WNK1: variants seen among roughly 807,000 people sequenced by gnomAD.
WNK1 encodes WNK lysine deficient protein kinase 1.
In WNK1, 38 loss-of-function variants were observed where a neutral mutation model predicts 222.8. The ratio of observed to expected loss-of-function variants is 0.17; its 90% CI spans 0.13 to 0.22. The LOEUF is 0.22. Ranked by LOEUF, WNK1 falls within the 10% of genes least tolerant of loss-of-function variation. The pLI is 1.00. For missense variants in WNK1, 2,348 were observed against 2,918.4 expected (o/e 0.80, Z 4.50); for synonymous variants, 1,090 against 1,092.9 (o/e 1.00, Z 0.05).
At chr12:824,770 CA>C (rs1375706124) in intron 2 of WNK1, among the ~76,000 whole-genome samples, 1 of 151,732 alleles carries the variant, frequency 6.6e-6, no homozygotes, top group African/African-American at 2.4e-5. Flanking sequence ...ATAAAATTTC[CA>C]ATATTTTATT....
In WNK1 at chr12:874,238, G is replaced by A. The variant is rs150921348; in HGVS notation, c.2223+2890G>A. On this transcript the variant is annotated intron_variant, in intron 9 of 27. Transcript: ENST00000315939. ...TGAACTGGTTTCATGAGGCAAGCTT[G>A]GGCAGAGCATGATGCTAAACTGTTA... 4.6e-5 allele frequency among the ~76,000 whole-genome samples: 7 copies of A among 152,164 alleles called. No homozygotes were observed. The East Asian group carries it at 7.7e-4, about 17-fold the overall frequency.
intron 4 of WNK1, among the ~76,000 whole-genome samples, chr12:846,347 T>C (rs72648635): frequency 1.1e-4 from 16 of 152,208 alleles, no homozygotes; most frequent in African/African-American, 3.4e-4. Context: ...AGCACCACTT[T>C]GGTGTGCTTT....
Position 818,916 on chromosome 12 carries a change from G to A in WNK1, c.932+5102G>A, listed in dbSNP as rs549623174. Among the ~76,000 whole-genome samples, 3 of 152,290 alleles carry A rather than the reference G, an allele frequency of 2.0e-5. No homozygotes were observed. The South Asian group carries it at 6.2e-4, about 32-fold the overall frequency. On this transcript the variant is annotated intron_variant, in intron 2 of 27. Transcript: ENST00000315939. ...CCACCTTTTGGCTATTATGAGTACT[G>A]CTGCTATGAATATTTGTGCAGAAGT...
At chr12:861,417 C>T in intron 7 of WNK1, 74 bp downstream of exon 7, 1 of 1,442,372 alleles carries the variant, frequency 6.9e-7, no homozygotes, top group African/African-American at 1.4e-5. Flanking sequence ...TGTTATTTTG[C>T]ACTGGCTTTT....
At chr12:899,408 A>G (rs1383104166) in intron 25 of WNK1, among the ~76,000 whole-genome samples, 3 of 152,090 alleles carry the variant, frequency 2.0e-5, no homozygotes, top group African/African-American at 4.8e-5. Context: ...AGCTGGGATT[A>G]CAAGCATGTA....
chr12:771,972 T>G (rs1460409581), intron 1 of WNK1, among the ~76,000 whole-genome samples: 1 of 152,132 alleles, frequency 6.6e-6, no homozygotes, highest in Non-Finnish European at 1.5e-5. Context: ...AGCTTACTTT[T>G]TTTTTTTGCA....
intron 4 of WNK1, among the ~76,000 whole-genome samples, chr12:832,769 C>G (rs1345757359): frequency 6.6e-6 from 1 of 152,188 alleles, no homozygotes; most frequent in Non-Finnish European, 1.5e-5. Flanking sequence ...AATACTCACC[C>G]AGATTCTAAT....
At chr12:809,652 C>G (rs1407354177) in intron 1 of WNK1, among the ~76,000 whole-genome samples, 1 of 152,148 alleles carries the variant, frequency 6.6e-6, no homozygotes, top group Non-Finnish European at 1.5e-5. Flanking sequence ...CTTTCCCAGG[C>G]CTTCAATCTC....
chr12:761,104 A>G (rs890420399), intron 1 of WNK1, among the ~76,000 whole-genome samples: 1 of 147,154 alleles, frequency 6.8e-6, no homozygotes. Flanking sequence ...TTTTTAAAAG[A>G]TTGGTTATTT....
rs1206246067 is a variant in WNK1, at chr12:885,249, G to A, written c.4445G>A (p.Ser1482Asn). The A allele has an allele frequency of 2.5e-6, 4 of 1,614,024 alleles. No homozygotes were observed. The East Asian group carries it at 6.7e-5, about 27-fold the overall frequency. ...GTAGTATCTCAGCAGGCAGCAGGCA[G>A]CACTACTGTGGGAGCCACATTAACA... ...PAVVSQQAAG[S>N]TTVGATLTSV... is the part of the protein sequence containing the mutation. The change falls in exon 19 of 28, where the codon AGC (serine) becomes AAC (asparagine). Residue 1482 changes from serine to asparagine, a missense_variant. Physicochemically the swap from Ser to Asn is conservative, Grantham distance 46 (BLOSUM62 1). Transcript: ENST00000315939.
chr12:782,860 G>T (rs1943861092), intron 1 of WNK1, among the ~76,000 whole-genome samples: 1 of 151,490 alleles, frequency 6.6e-6, no homozygotes, highest in Non-Finnish European at 1.5e-5. Context: ...TTAATTTCAT[G>T]AATATGTTTC....
intron 1 of WNK1, among the ~76,000 whole-genome samples, chr12:785,444 GA>G (rs1476921104): frequency 2.7e-5 from 3 of 110,672 alleles, no homozygotes; most frequent in South Asian, 3.1e-4. Context: ...CTGTCACCCA[GA>G]GCTGGAGTGC....
At chr12:862,316 G>T in intron 8 of WNK1, 46 bp downstream of exon 8, 1 of 1,591,898 alleles carries the variant, frequency 6.3e-7, no homozygotes, top group Non-Finnish European at 8.6e-7. Flanking sequence ...GAGAGCCAAT[G>T]GATAGTCTGC....
rs1303599227 is a variant in WNK1, at chr12:911,183, TTG to T, written c.*2395_*2396del. The T allele has an allele frequency of 1.5e-5, 6 of 397,636 alleles. No individual in the cohort carries two copies. The highest frequency in any genetic ancestry group is 6.2e-5 in the African/African-American group (3 of 48,634). The allele number at this position is 397,636 out of a possible 1,614,324, so 24.6% of individuals were successfully genotyped here. On this transcript the variant is annotated 3_prime_UTR_variant, in exon 28 of 28. Coordinates refer to ENST00000315939, the MANE Select transcript of WNK1 (RefSeq NM_018979.4). ...TGCTACTGAACTGTTTAAATTATTT[TTG>T]TGTTAATAGTACACTTTGAGTATCT...
chr12:902,196 G>A (rs1955322761), intron 26 of WNK1, among the ~76,000 whole-genome samples: 1 of 151,896 alleles, frequency 6.6e-6, no homozygotes, highest in Non-Finnish European at 1.5e-5. Context: ...CTGCCCAGGA[G>A]GCTGAGGCGG....
chr12:865,209 A>G (rs2154069176), intron 8 of WNK1: 1 of 1,535,858 alleles, frequency 6.5e-7, no homozygotes, highest in Non-Finnish European at 8.7e-7. Context: ...CACCGCCAGT[A>G]CTGTCTGCAC....
rs991955084 is a variant in WNK1, at chr12:908,712, G to A, written c.7069G>A (p.Ala2357Thr). Residue 2357 changes from alanine to threonine, a missense_variant, in exon 28 of 28, where the codon GCC (alanine) becomes ACC (threonine). Around this residue, in one of 13 missense-constraint regions of WNK1, gnomAD observed 76 missense variants for 85.7 expected, o/e 0.89. Transcript: ENST00000315939. The part of the protein sequence containing the change: ...PLGQFQPVGT[A>T]SLQNFNISNL... ...TGGCCAGTTCCAACCTGTGGGAACT[G>A]CCTCCTTGCAGAATTTCAACATCAG... The A allele has an allele frequency of 6.2e-7, 1 of 1,614,054 alleles. No individual in the cohort carries two copies. Among genetic ancestry groups the A allele is most frequent in the Non-Finnish European group, 8.5e-7 (1 of 1,180,046 alleles).
intron 26 of WNK1, among the ~76,000 whole-genome samples, chr12:905,195 A>G (rs548103203): frequency 2.5e-4 from 38 of 152,326 alleles, no homozygotes; most frequent in Admixed American, 9.2e-4. Context: ...AGAAGTTAGC[A>G]TATTCTCTCA....
At chr12:897,432 T>G (rs1342759892) in intron 24 of WNK1, 47 bp from the exon 25 acceptor site, 1 of 1,193,438 alleles carries the variant, frequency 8.4e-7, no homozygotes, top group Non-Finnish European at 1.3e-6. Flanking sequence ...CTTGTCTGAA[T>G]GAAGAGGATT....
Sources: gnomAD v4.1 joint callset for allele counts (sites outside exome capture counted in the v4.1 genomes callset) on GRCh38, gnomAD v4.1.1 for gene constraint, gnomAD v4.1.1 regional missense constraint, MANE v1.5 for transcripts, NCBI Gene and HGNC (gene_info 2026-07-23, HGNC 2026-07-21) for gene names.